The following SDCCAG8 variants were observed in gnomAD, a reference collection of about 807,000 sequenced individuals.
SDCCAG8 encodes the protein serologically defined colon cancer antigen 8.
In SDCCAG8, 74 loss-of-function variants were observed where a neutral mutation model predicts 101.8. The ratio of observed to expected loss-of-function variants is 0.73; its 90% CI spans 0.60 to 0.88. The LOEUF (loss-of-function observed/expected upper bound fraction) is 0.88. Ranked by LOEUF, SDCCAG8 falls within the 40% of genes least tolerant of loss-of-function variation. The probability of loss-of-function intolerance (pLI) is 0.00; values close to 1 mark genes in which losing one functional copy is unlikely to be tolerated. For synonymous variants in SDCCAG8, 281 were observed against 292.9 expected, an observed-to-expected ratio of 0.96 and a Z score of 0.41; for missense variants, 787 against 822.6, an observed-to-expected ratio of 0.96 and a Z score of 0.53.
intron 16 of SDCCAG8, among the ~76,000 whole-genome samples, chr1:243,468,521 T>G (rs1660590442): frequency 6.6e-6 from 1 of 152,140 alleles, no homozygotes; most frequent in Non-Finnish European, 1.5e-5. Flanking sequence ...CCTGGCCTGA[T>G]GTTAAGATTT....
intron 8 of SDCCAG8, among the ~76,000 whole-genome samples, chr1:243,314,412 A>G (rs1174570531): frequency 6.6e-6 from 1 of 152,236 alleles, no homozygotes; most frequent in Non-Finnish European, 1.5e-5. Context: ...ACTGAACTCT[A>G]GTTTCTAATT....
intron 3 of SDCCAG8, among the ~76,000 whole-genome samples, chr1:243,272,658 A>C (rs1432665444): frequency 1.3e-5 from 2 of 152,230 alleles, no homozygotes; most frequent in African/African-American, 4.8e-5. Context: ...CACTAAGAGA[A>C]TCAGTTTAGT....
chr1:243,485,291 A>T (rs963786765), intron 16 of SDCCAG8, among the ~76,000 whole-genome samples: 1 of 152,202 alleles, frequency 6.6e-6, no homozygotes, highest in Non-Finnish European at 1.5e-5. Flanking sequence ...ACTATAGTGA[A>T]CTTTTAATTA....
chr1:243,480,340 AGGTGGGATGGATGGGTG>A (rs1285979405), intron 16 of SDCCAG8, among the ~76,000 whole-genome samples: 9 of 39,328 alleles, frequency 2.3e-4, no homozygotes, highest in African/African-American at 9.2e-4. Context: ...ATGGATGGAT[AGGTGGGATGGATGGGTG>A]GGTGGGATGG....
intron 5 of SDCCAG8, among the ~76,000 whole-genome samples, chr1:243,287,720 T>C (rs1319286619): frequency 2.0e-5 from 3 of 152,168 alleles, no homozygotes; most frequent in African/African-American, 7.2e-5. Context: ...AAGTAGCTTA[T>C]TTTAAAAATA....
At chr1:243,359,238 A>G (rs2076557048) in intron 12 of SDCCAG8, among the ~76,000 whole-genome samples, 1 of 152,184 alleles carries the variant, frequency 6.6e-6, no homozygotes, top group Non-Finnish European at 1.5e-5. Context: ...ATTCTCTAAA[A>G]TTGATTTCAT....
At chr1:243,404,572 G>A (rs116183576) in intron 13 of SDCCAG8, among the ~76,000 whole-genome samples, 427 of 152,282 alleles carry the variant, frequency 2.8e-3, no homozygotes, top group Non-Finnish European at 4.1e-3. Flanking sequence ...AGTGGAGTAG[G>A]AATCAGAAAA....
intron 13 of SDCCAG8, among the ~76,000 whole-genome samples, chr1:243,396,731 TGAA>T (rs747666974): frequency 6.6e-6 from 1 of 152,346 alleles, no homozygotes. Flanking sequence ...CAGACACACA[TGAA>T]GAAAATACAT....
chr1:243,496,161 T>C (rs1667801760), intron 17 of SDCCAG8, among the ~76,000 whole-genome samples: 1 of 152,044 alleles, frequency 6.6e-6, no homozygotes, highest in African/African-American at 2.4e-5. Flanking sequence ...GATAGAAAAA[T>C]AAGGCCCAGA....
chr1:243,298,083 C>T (rs1414044395), intron 6 of SDCCAG8, among the ~76,000 whole-genome samples: 1 of 145,542 alleles, frequency 6.9e-6, no homozygotes. Flanking sequence ...GAGTCTCACT[C>T]TGTCACCCAG....
intron 9 of SDCCAG8, among the ~76,000 whole-genome samples, chr1:243,317,443 C>A (rs1188295933): frequency 6.6e-6 from 1 of 151,866 alleles, no homozygotes; most frequent in African/African-American, 2.4e-5. Flanking sequence ...GCCTCAGCCT[C>A]CCAAGTAGCT....
At chr1:243,432,433 G>T (rs1049290454) in intron 16 of SDCCAG8, among the ~76,000 whole-genome samples, 1 of 152,036 alleles carries the variant, frequency 6.6e-6, no homozygotes. Flanking sequence ...ATGGGTACTC[G>T]GCTTAATACT....
chr1:243,301,226 C>A (rs2071473664), intron 6 of SDCCAG8, among the ~76,000 whole-genome samples: 1 of 152,140 alleles, frequency 6.6e-6, no homozygotes, highest in South Asian at 2.1e-4. Context: ...TAACCACCTC[C>A]TATTGCTATT....
At chr1:243,302,103 CTGGGCATGA>C (rs1203247101) in intron 6 of SDCCAG8, among the ~76,000 whole-genome samples, 2 of 152,038 alleles carry the variant, frequency 1.3e-5, no homozygotes, top group African/African-American at 4.8e-5. Flanking sequence ...CAAAAATTAG[CTGGGCATGA>C]TGTCACGTGC....
intron 13 of SDCCAG8, among the ~76,000 whole-genome samples, chr1:243,390,508 G>C (rs531876463): frequency 6.6e-6 from 1 of 152,196 alleles, no homozygotes; most frequent in African/African-American, 2.4e-5. Context: ...GGCCCGGGGC[G>C]GGAGAGGTTC....
At chr1:243,393,526 G>T (rs2078848659) in intron 13 of SDCCAG8, among the ~76,000 whole-genome samples, 1 of 147,712 alleles carries the variant, frequency 6.8e-6, no homozygotes, top group Admixed American at 6.8e-5. Context: ...GAGTTGAATT[G>T]TGTCAAACTT....
intron 12 of SDCCAG8, among the ~76,000 whole-genome samples, chr1:243,364,917 A>G (rs1237791972): frequency 6.6e-6 from 1 of 152,248 alleles, no homozygotes; most frequent in Non-Finnish European, 1.5e-5. Flanking sequence ...AGAGATTGAC[A>G]GAACTAATAA....
At chr1:243,267,431 T>G in intron 1 of SDCCAG8, 1 of 305,180 alleles carries the variant, frequency 3.3e-6, no homozygotes, top group South Asian at 2.9e-5. Flanking sequence ...AAACCCCGTC[T>G]CTACTAAAAA....
intron 12 of SDCCAG8, among the ~76,000 whole-genome samples, chr1:243,351,931 A>G (rs1201123652): frequency 6.6e-6 from 1 of 152,228 alleles, no homozygotes; most frequent in Non-Finnish European, 1.5e-5. Flanking sequence ...AATCCAGTGA[A>G]TAATACCGAG....
Sources: allele counts gnomAD v4.1 joint callset (sites outside exome capture counted in the v4.1 genomes callset), GRCh38; gene constraint gnomAD v4.1.1; transcripts MANE v1.5; gene names NCBI Gene and HGNC (gene_info 2026-07-23, HGNC 2026-07-21).